STAB2: variants seen among roughly 807,000 people sequenced by gnomAD.
STAB2 encodes the protein stabilin-2.
A neutral mutation model predicts 338.1 loss-of-function variants in STAB2; 288 were observed. That is an observed-to-expected ratio of 0.85 (90% CI 0.77 to 0.94). The LOEUF is 0.94. STAB2 is among the 40% of genes least tolerant of loss of function. The pLI is 0.00. For missense variants in STAB2, 3,141 were observed against 3,210.1 expected, an observed-to-expected ratio of 0.98 and a Z score of 0.52; for synonymous variants, 1,202 against 1,193.3, an observed-to-expected ratio of 1.01 and a Z score of -0.15.
At position 103,670,868 on chromosome 12, in the gene STAB2, C is replaced by A. The variant is rs905574820; in HGVS notation, c.2371+61C>A. 4 of 1,423,402 alleles carry A rather than the reference C, an allele frequency of 2.8e-6. No homozygotes were observed. In the African/African-American group the frequency reaches 5.7e-5, roughly 20 times the overall value. 88.2% of individuals were successfully genotyped at this position (1,423,402 alleles called of 1,614,324 possible). On this transcript the variant is annotated intron_variant, in intron 22 of 68. Transcript: ENST00000388887. ...AGCAAGGTTCCCTCTCGTGCTGCAGCAGGGTGCTGGTGCAGGGCTGGTGTC... is the reference window on the plus strand; with the variant it reads ...AGCAAGGTTCCCTCTCGTGCTGCAGAAGGGTGCTGGTGCAGGGCTGGTGTC...
At chr12:103,628,592 T>G (rs776741991) in intron 5 of STAB2, among the ~76,000 whole-genome samples, 49 of 152,200 alleles carry the variant, frequency 3.2e-4, no homozygotes, top group Non-Finnish European at 5.9e-4. Context: ...CCTTGCTTCT[T>G]TCATCCTCTG....
intron 31 of STAB2, among the ~76,000 whole-genome samples, 188 bp downstream of exon 31, chr12:103,693,077 A>G (rs1321583191): frequency 1.3e-5 from 2 of 152,140 alleles, no homozygotes; most frequent in Admixed American, 1.3e-4. Flanking sequence ...CTCAGTTTCC[A>G]TTTATCCAGC....
At chr12:103,635,410 G>C (rs987448121) in intron 6 of STAB2, among the ~76,000 whole-genome samples, 2 of 152,170 alleles carry the variant, frequency 1.3e-5, no homozygotes, top group East Asian at 1.9e-4. Context: ...CACTCACCAG[G>C]CTCCCGAAAA....
chr12:103,608,710 T>G (rs1957073387), intron 3 of STAB2, among the ~76,000 whole-genome samples: 1 of 152,232 alleles, frequency 6.6e-6, no homozygotes, highest in Admixed American at 6.5e-5. Flanking sequence ...ATTTGTCAAT[T>G]TTGGCTTTTG....
At chr12:103,734,312 C>T (rs759646783) in intron 51 of STAB2, among the ~76,000 whole-genome samples, 5 of 149,126 alleles carry the variant, frequency 3.4e-5, no homozygotes, top group Non-Finnish European at 5.9e-5. Flanking sequence ...GGAACAAGCG[C>T]GATCATATGG....
chr12:103,647,315 C>T (rs202241521), intron 9 of STAB2, among the ~76,000 whole-genome samples: 7 of 152,126 alleles, frequency 4.6e-5, no homozygotes, highest in South Asian at 4.2e-4. Flanking sequence ...TAGAAACACA[C>T]GTGGATTAAC....
chr12:103,678,137 G>A (rs1876558127), intron 25 of STAB2, among the ~76,000 whole-genome samples: 2 of 152,194 alleles, frequency 1.3e-5, no homozygotes, highest in African/African-American at 2.4e-5. Context: ...ACCAACAGGT[G>A]TGTTTATAAT....
intron 28 of STAB2, among the ~76,000 whole-genome samples, chr12:103,688,783 C>T (rs1877663365): frequency 6.6e-6 from 1 of 152,230 alleles, no homozygotes; most frequent in Non-Finnish European, 1.5e-5. Context: ...AGCGTGCTCT[C>T]TTGAGCATGC....
At chr12:103,671,290 A>G (rs535183197) in intron 22 of STAB2, among the ~76,000 whole-genome samples, 217 of 152,192 alleles carry the variant, frequency 1.4e-3, no homozygotes, top group Non-Finnish European at 2.5e-3. Flanking sequence ...CATCTCTACT[A>G]AAAATACAAA....
At chr12:103,639,740 A>G (rs900942122) in intron 8 of STAB2, among the ~76,000 whole-genome samples, 1 of 150,670 alleles carries the variant, frequency 6.6e-6, no homozygotes, top group African/African-American at 2.4e-5. Context: ...TTGTTTCCAG[A>G]TATTGTCCAG....
chr12:103,684,703 T>A (rs1275422593), intron 26 of STAB2, among the ~76,000 whole-genome samples: 1 of 152,256 alleles, frequency 6.6e-6, no homozygotes, highest in East Asian at 1.9e-4. Flanking sequence ...AAACGTATAC[T>A]CAAACTTACT....
intron 22 of STAB2, 119 bp from the exon 23 acceptor site, chr12:103,673,788 G>A: frequency 9.1e-7 from 1 of 1,100,782 alleles, no homozygotes; most frequent in Non-Finnish European, 1.3e-6. Context: ...CCCCGATTCT[G>A]CTTTGACAAG....
chr12:103,679,911 G>A (rs1460821446), intron 25 of STAB2, among the ~76,000 whole-genome samples: 1 of 152,148 alleles, frequency 6.6e-6, no homozygotes, highest in Admixed American at 6.5e-5. Context: ...TAATCAAAAC[G>A]TGGTATATGT....
At position 103,587,487 on chromosome 12, in the gene STAB2, A is replaced by C; in HGVS notation, c.11A>C (p.Gln4Pro). Reference sequence around the variant, plus strand: ...AGCAAATATTTCCTCATGATGCTACAACATTTAGTAATTTTTTGTCTTGGA... The same window carrying C: ...AGCAAATATTTCCTCATGATGCTACCACATTTAGTAATTTTTTGTCTTGGA... The part of the protein sequence containing the change: MML[Q>P]HLVIFCLGLV... The change falls in exon 1 of 69, where the codon CAA becomes CCA. Residue 4 changes from glutamine (Q) to proline (P), a missense_variant. Transcript: ENST00000388887. 6.2e-7 allele frequency: 1 copy of C among 1,613,894 alleles called. No individual in the cohort carries two copies. Among genetic ancestry groups the C allele is most frequent in the Non-Finnish European group, 8.5e-7 (1 of 1,179,820 alleles).
intron 3 of STAB2, among the ~76,000 whole-genome samples, chr12:103,614,317 T>C (rs1397148510): frequency 6.6e-6 from 1 of 152,204 alleles, no homozygotes; most frequent in African/African-American, 2.4e-5. Context: ...TCTTTGAGAA[T>C]TTTAAGAAGA....
intron 35 of STAB2, 149 bp downstream of exon 35, chr12:103,703,425 A>G (rs1180716045): frequency 2.8e-6 from 3 of 1,054,092 alleles, no homozygotes; most frequent in East Asian, 5.0e-5. Context: ...CAAGGAGCAT[A>G]CCAGGCTGTG....
chr12:103,746,614 A>G lies in STAB2; in HGVS notation c.6154A>G (p.Thr2052Ala). 1 of 1,614,056 alleles carries G rather than the reference A, an allele frequency of 6.2e-7. No individual in the cohort carries two copies. The highest frequency in any genetic ancestry group is 1.3e-5 in the African/African-American group (1 of 75,048). ...CTTTGCAGTTTTGCCTGCAGTGTGT[A>G]CGCCTCCTTGTTCTGCTCATGCCAC... ...DTQAVLPAVC[T>A]PPCSAHATCK... Residue 2052 changes from threonine (T) to alanine (A), a missense_variant, in exon 58 of 69, where the codon ACG (threonine) becomes GCG (alanine). By Grantham distance (58) the Thr-to-Ala change is moderately conservative. Transcript: ENST00000388887.
chr12:103,725,188 T>C lies in STAB2; in HGVS notation c.4803+94T>C, dbSNP rs1220136279. 2.6e-6 allele frequency: 4 copies of C among 1,517,548 alleles called. No individual in the cohort carries two copies. The African/African-American group carries it at 4.2e-5, about 16-fold the overall frequency. 94.0% of individuals were successfully genotyped at this position (1,517,548 alleles called of 1,614,324 possible). A position where few individuals can be genotyped will look rare whatever the true frequency, so the allele number is the denominator to read the frequency against. ...AGGAGTATTTAAGAGCTTGGTGAAA[T>C]GTAAAGCGCTATAAAAATATGAAAG... On this transcript the variant is annotated intron_variant, in intron 45 of 68. Transcript: ENST00000388887.
At position 103,685,076 on chromosome 12, in the gene STAB2, G is replaced by A. The variant is rs138445835; in HGVS notation, c.2989G>A (p.Ala997Thr). The stretch of plus-strand genomic sequence containing the variant: ...AGATGGCTTTCTGTGCTATGGAAAC[G>A]CAGCAGTGGTAAGTCATCGATGATG... ...EGDGFLCYGN[A>T]AVELSFLSEA... The change falls in exon 27 of 69, where the codon GCA becomes ACA. Residue 997 changes from alanine (A) to threonine (T), a missense_variant. Physicochemically the swap from Ala to Thr is moderately conservative, Grantham distance 58. Coordinates refer to ENST00000388887, the MANE Select transcript of STAB2 (RefSeq NM_017564.10). The A allele has an allele frequency of 9.9e-6, 16 of 1,613,622 alleles. No individual in the cohort carries two copies. Among genetic ancestry groups the A allele is most frequent in the African/African-American group, 6.7e-5 (5 of 74,918 alleles).
Sources: allele counts gnomAD v4.1 joint callset (sites outside exome capture counted in the v4.1 genomes callset), GRCh38; gene constraint gnomAD v4.1.1; transcripts MANE v1.5; gene names NCBI Gene and HGNC (gene_info 2026-07-23, HGNC 2026-07-21).